The following SH2B2 variants were observed in gnomAD, a reference collection of about 807,000 sequenced individuals.
The protein encoded by SH2B2 is SH2B adapter protein 2.
SH2B2 carries 37 observed loss-of-function variants against 35.7 expected under a neutral mutation model. The observed-to-expected ratio is 1.04, with a 90% confidence interval of 0.80 to 1.36. The LOEUF (loss-of-function observed/expected upper bound fraction) is 1.36. Ranked by LOEUF, SH2B2 falls within the 40% of genes most tolerant of loss-of-function variation. The pLI is 0.00. For synonymous variants in SH2B2, 383 were observed against 376.4 expected (o/e 1.02, Z -0.20); for missense variants, 852 against 817.7 (o/e 1.04, Z -0.51).
chr7:102,290,048 C>T (rs995068924), intron 1 of SH2B2, among the ~76,000 whole-genome samples: 1 of 152,148 alleles, frequency 6.6e-6, no homozygotes, highest in South Asian at 2.1e-4. Flanking sequence ...TTATCTGACC[C>T]GCACTTCCTG....
Position 102,301,011 on chromosome 7 carries a change from G to C in SH2B2, c.461G>C (p.Arg154Pro). The C allele has an allele frequency of 1.1e-5, 16 of 1,411,990 alleles. No individual in the cohort carries two copies. Among genetic ancestry groups the C allele is most frequent in the Non-Finnish European group, 1.5e-5 (16 of 1,085,060 alleles). 87.5% of individuals were successfully genotyped at this position (1,411,990 alleles called of 1,614,324 possible). Residue 154 changes from arginine (R) to proline (P), a missense_variant, in exon 2 of 9, where the codon CGG (arginine) becomes CCG (proline). This residue lies in a region of SH2B2 where 294 missense variants were observed against 286.6 expected (regional missense o/e 1.03). Transcript: ENST00000444095. ...GACGGCGTGCGCGACATGTGGCACCGGCGCGCCTCGCCCGAGCCCGACGCG... is the reference window on the plus strand; with the variant it reads ...GACGGCGTGCGCGACATGTGGCACCCGCGCGCCTCGCCCGAGCCCGACGCG... ...VVDGVRDMWH[R>P]RASPEPDAAA...
At chr7:102,318,664 T>C (rs1463425623) in intron 7 of SH2B2, among the ~76,000 whole-genome samples, 1 of 151,886 alleles carries the variant, frequency 6.6e-6, no homozygotes, top group East Asian at 1.9e-4. Context: ...TGGGGGACAG[T>C]GTCTCTCTGC....
In SH2B2 at chr7:102,300,959, C is replaced by G. The variant is rs781892639; in HGVS notation, c.409C>G (p.Leu137Val). Residue 137 changes from leucine to valine, a missense_variant, in exon 2 of 9, where the codon CTG (leucine) becomes GTG (valine). Coordinates refer to ENST00000444095, the MANE Select transcript of SH2B2 (RefSeq NM_001359228.2). Reference sequence around the variant, plus strand: ...GGCCCGCGTTCGCAAGGGCTTCTCGCTGCGCAACATGAGCCTGTGCGTGGT... The same window carrying G: ...GGCCCGCGTTCGCAAGGGCTTCTCGGTGCGCAACATGAGCCTGTGCGTGGT... The part of the protein sequence containing the change: ...TKARVRKGFS[L>V]RNMSLCVVDG... 1.2e-5 allele frequency: 18 copies of G among 1,488,814 alleles called. No individual in the cohort carries two copies. The highest frequency in any genetic ancestry group is 1.6e-5 in the Non-Finnish European group (18 of 1,122,644). 92.2% of individuals were successfully genotyped at this position (1,488,814 alleles called of 1,614,324 possible).
chr7:102,306,664 A>T (rs1793410375), intron 2 of SH2B2, 57 bp from the exon 3 acceptor site: 10 of 1,287,478 alleles, frequency 7.8e-6, no homozygotes, highest in Non-Finnish European at 1.1e-5. Flanking sequence ...CGGGGAGGGG[A>T]TGGAAAGGGT....
chr7:102,285,326 G>A, upstream of SH2B2: 1 of 1,140,704 alleles, frequency 8.8e-7, no homozygotes, highest in Non-Finnish European at 1.3e-6. Context: ...GGCCATGTAT[G>A]GAGCTTCCCT....
At position 102,311,257 on chromosome 7, in the gene SH2B2, AT is replaced by A. The variant is rs782006002; in HGVS notation, c.923+2366del. ...GGCACATGCCACGATGACTGGCTTA[AT>A]TTTTTTTTTTTTTTGAGATGGAGTC... On this transcript the variant is annotated intron_variant, in intron 4 of 8. Coordinates refer to ENST00000444095, the MANE Select transcript of SH2B2 (RefSeq NM_001359228.2). Among the ~76,000 whole-genome samples, 285 of 140,742 alleles carry A rather than the reference AT, an allele frequency of 2.0e-3. 1 individual carries two copies. The highest frequency in any genetic ancestry group is 5.6e-3 in the East Asian group (27 of 4,848). The allele number at this position is 140,742 out of a possible 152,430, so 92.3% of individuals were successfully genotyped here. A position where few individuals can be genotyped will look rare whatever the true frequency, so the allele number is the denominator to read the frequency against.
chr7:102,301,183 C>G lies in SH2B2; in HGVS notation c.633C>G (p.Gly211=), dbSNP rs782569478. 2.1e-5 allele frequency: 33 copies of G among 1,582,784 alleles called. No individual in the cohort carries two copies. The highest frequency in any genetic ancestry group is 2.7e-5 in the Non-Finnish European group (32 of 1,166,764). Residue 211 remains glycine, a synonymous_variant, in exon 2 of 9, where the codon GGC becomes GGG. Coordinates refer to ENST00000444095, the MANE Select transcript of SH2B2 (RefSeq NM_001359228.2). ...RFMVADDAAA[G]SGGSAQWQKC... is the part of the protein sequence containing the mutation. Reference sequence around the variant, plus strand: ...TGGTGGCCGACGACGCGGCCGCGGGCTCCGGGGGCTCGGCTCAGTGGCAGA... The same window carrying G: ...TGGTGGCCGACGACGCGGCCGCGGGGTCCGGGGGCTCGGCTCAGTGGCAGA...
chr7:102,311,628 T>C (rs1793624674), intron 4 of SH2B2, among the ~76,000 whole-genome samples: 1 of 147,546 alleles, frequency 6.8e-6, no homozygotes, highest in South Asian at 2.2e-4. Context: ...CTTGAATTCC[T>C]GGGTTCAAGA....
chr7:102,290,109 C>T (rs1343773955), intron 1 of SH2B2, among the ~76,000 whole-genome samples: 1 of 115,000 alleles, frequency 8.7e-6, no homozygotes. Context: ...GCTCAGAGTG[C>T]CCCATCCTCT....
Position 102,320,423 on chromosome 7 carries a change from A to G in SH2B2, c.1488A>G (p.Thr496=). Reference sequence around the variant, plus strand: ...TTGACATGCTCCGCCACTTCCACACACACCCCATCCCACTGGAGTCAGGGG... The same window carrying G: ...TTGACATGCTCCGCCACTTCCACACGCACCCCATCCCACTGGAGTCAGGGG... ...SVLDMLRHFH[T]HPIPLESGGS... Residue 496 remains threonine, a synonymous_variant, in exon 8 of 9, where the codon ACA becomes ACG. Coordinates refer to ENST00000444095, the MANE Select transcript of SH2B2 (RefSeq NM_001359228.2). 6.2e-7 allele frequency: 1 copy of G among 1,613,368 alleles called. No homozygotes were observed. Among genetic ancestry groups the G allele is most frequent in the Non-Finnish European group, 8.5e-7 (1 of 1,179,828 alleles).
intron 2 of SH2B2, among the ~76,000 whole-genome samples, chr7:102,305,178 A>G (rs1793342217): frequency 6.6e-6 from 1 of 152,214 alleles, no homozygotes; most frequent in South Asian, 2.1e-4. Context: ...CCTGCTCTGG[A>G]AGGTCGGGTC....
intron 1 of SH2B2, among the ~76,000 whole-genome samples, chr7:102,288,455 G>A (rs958905054): frequency 1.3e-5 from 2 of 152,148 alleles, no homozygotes; most frequent in Non-Finnish European, 1.5e-5. Context: ...GTGGCAGGCC[G>A]GCTTCTGATG....
intron 1 of SH2B2, among the ~76,000 whole-genome samples, chr7:102,296,438 C>T (rs550031914): frequency 1.3e-3 from 198 of 152,282 alleles, no homozygotes; most frequent in African/African-American, 4.4e-3. Flanking sequence ...AACACTAAGC[C>T]GGCTCCTTAG....
In SH2B2 at chr7:102,300,797, G is replaced by T; in HGVS notation, c.247G>T (p.Ala83Ser). ...FGEEVRRVLV[A>S]GPTTRGAAVS... ...CGAGGAGGTGCGCCGCGTGCTGGTG[G>T]CTGGGCCGACGACTCGGGGCGCGGC... The change falls in exon 2 of 9, where the codon GCT becomes TCT. Residue 83 changes from alanine to serine, a missense_variant. Coordinates refer to ENST00000444095, the MANE Select transcript of SH2B2 (RefSeq NM_001359228.2). 6.7e-7 allele frequency: 1 copy of T among 1,502,472 alleles called. No individual in the cohort carries two copies. 93.1% of individuals were successfully genotyped at this position (1,502,472 alleles called of 1,614,324 possible). A position where few individuals can be genotyped will look rare whatever the true frequency, so the allele number is the denominator to read the frequency against.
intron 1 of SH2B2, among the ~76,000 whole-genome samples, chr7:102,287,514 G>T (rs546877441): frequency 9.8e-5 from 15 of 152,312 alleles, no homozygotes; most frequent in African/African-American, 3.6e-4. Context: ...CTAGAATGAG[G>T]GTGAGGGCCA....
Position 102,300,508 on chromosome 7 carries a change from C to T in SH2B2, c.-29-14C>T. Reference sequence around the variant, plus strand: ...ACAGGCCTGAAAGTCACTGCGCGCTCTTCTCGCCCGAAGCCGCAGGTGGCT... The same window carrying T: ...ACAGGCCTGAAAGTCACTGCGCGCTTTTCTCGCCCGAAGCCGCAGGTGGCT... On this transcript the variant is annotated splice_polypyrimidine_tract_variant and intron_variant, in intron 1 of 8. Coordinates refer to ENST00000444095, the MANE Select transcript of SH2B2 (RefSeq NM_001359228.2). 6.6e-7 allele frequency: 1 copy of T among 1,522,832 alleles called. No individual in the cohort carries two copies. Among genetic ancestry groups the T allele is most frequent in the East Asian group, 2.5e-5 (1 of 40,736 alleles). 94.3% of individuals were successfully genotyped at this position (1,522,832 alleles called of 1,614,324 possible).
chr7:102,285,380 A>C (rs1792404091), upstream of SH2B2: 1 of 719,422 alleles, frequency 1.4e-6, no homozygotes, highest in African/African-American at 1.7e-5. Flanking sequence ...TCCCGGCCTC[A>C]TTCATAGGTG....
At chr7:102,299,196 G>GTTTTTTTTTTTTTTTTT (rs1793046884) in intron 1 of SH2B2, among the ~76,000 whole-genome samples, 1 of 29,132 alleles carries the variant, frequency 3.4e-5, no homozygotes, top group African/African-American at 1.6e-4. Context: ...ACCGCGCCTG[G>GTTTTTTTTTTTTTTTTT]CTTTTTTTTT....
In SH2B2 at chr7:102,308,817, A is replaced by G. The variant is rs564588142; in HGVS notation, c.834A>G (p.Val278=). 8.6e-5 allele frequency: 139 copies of G among 1,613,042 alleles called. 2 individuals are homozygous for G. In the South Asian group the frequency reaches 1.4e-3, roughly 17 times the overall value. ...PEKDNTFVLK[V]ENGAEYILET... ...CTCCCGGCCACCTTCCTCCCCAGGT[A>G]GAGAATGGAGCCGAATACATCTTGG... is the stretch of plus-strand genomic sequence containing the variant. The change falls in exon 4 of 9, where the codon GTA becomes GTG. Residue 278 remains valine (V), a splice_region_variant and synonymous_variant. Transcript: ENST00000444095.
Sources: gnomAD v4.1 joint callset for allele counts (sites outside exome capture counted in the v4.1 genomes callset) on GRCh38, gnomAD v4.1.1 for gene constraint, gnomAD v4.1.1 regional missense constraint, MANE v1.5 for transcripts, NCBI Gene and HGNC (gene_info 2026-07-23, HGNC 2026-07-21) for gene names.